Variants in LRFN2 observed in about 807,000 individuals in gnomAD.
The protein encoded by LRFN2 is leucine-rich repeat and fibronectin type-III domain-containing protein 2.
LRFN2 carries 18 observed loss-of-function variants against 37.3 expected under a neutral mutation model. The observed-to-expected ratio is 0.48, with a 90% CI of 0.33 to 0.72. The LOEUF (loss-of-function observed/expected upper bound fraction) is 0.72, where lower values mean the gene tolerates loss of function less well. LRFN2 is among the 30% of genes least tolerant of loss of function. LRFN2 has a pLI of 0.02. For synonymous variants in LRFN2, 556 were observed against 466.6 expected, an observed-to-expected ratio of 1.19 and a Z score of -2.47; for missense variants, 1,006 against 1,060.7, an observed-to-expected ratio of 0.95 and a Z score of 0.72.
chr6:40,451,675 G>A (rs1764113980), intron 1 of LRFN2, among the ~76,000 whole-genome samples: 1 of 152,078 alleles, frequency 6.6e-6, no homozygotes, highest in South Asian at 2.1e-4. Flanking sequence ...ACAATTACGA[G>A]AAGGAGCTGT....
rs531850441 is a variant in LRFN2 at position 40,511,728 on chromosome 6, G to A, written c.-19+75213C>T. The stretch of plus-strand genomic sequence containing the variant: ...AAGGGGATGACAGTGAGAACCAGGT[G>A]TGGGTGCCGATGGTGTGCCAGCTCC... On this transcript the variant is annotated intron_variant, in intron 1 of 2. Coordinates refer to ENST00000338305, the MANE Select transcript of LRFN2 (RefSeq NM_020737.3). Among the ~76,000 whole-genome samples the A allele has an allele frequency of 5.9e-5, 9 of 152,348 alleles. No individual in the cohort carries two copies. The East Asian group carries it at 7.7e-4, about 13-fold the overall frequency.
intron 1 of LRFN2, among the ~76,000 whole-genome samples, chr6:40,527,273 G>C (rs941116468): frequency 6.6e-6 from 1 of 152,156 alleles, no homozygotes; most frequent in Non-Finnish European, 1.5e-5. Context: ...TGCATTCCAG[G>C]ACAGCCAAAG....
intron 1 of LRFN2, among the ~76,000 whole-genome samples, chr6:40,552,582 A>C (rs1426661876): frequency 6.6e-6 from 1 of 152,224 alleles, no homozygotes; most frequent in Non-Finnish European, 1.5e-5. Context: ...AAGGAGATAG[A>C]TATATACCAA....
intron 1 of LRFN2, among the ~76,000 whole-genome samples, chr6:40,510,441 T>C (rs1362921950): frequency 1.3e-5 from 2 of 152,212 alleles, no homozygotes; most frequent in East Asian, 3.8e-4. Flanking sequence ...AACCTCAGCC[T>C]TCAGGAAGCT....
At chr6:40,521,535 G>A (rs997914662) in intron 1 of LRFN2, among the ~76,000 whole-genome samples, 4 of 152,246 alleles carry the variant, frequency 2.6e-5, no homozygotes, top group South Asian at 2.1e-4. Context: ...TGTTGGTGCC[G>A]ATTAATCCTG....
intron 1 of LRFN2, among the ~76,000 whole-genome samples, chr6:40,463,525 C>T (rs1319869319): frequency 6.6e-6 from 1 of 152,128 alleles, no homozygotes; most frequent in Non-Finnish European, 1.5e-5. Flanking sequence ...CCAATGGGTG[C>T]TAGTGTCCCA....
At chr6:40,485,617 C>T (rs1764938950) in intron 1 of LRFN2, among the ~76,000 whole-genome samples, 1 of 152,222 alleles carries the variant, frequency 6.6e-6, no homozygotes, top group African/African-American at 2.4e-5. Flanking sequence ...GAAGAATTCT[C>T]TGGCTCAGTG....
chr6:40,503,448 C>A (rs909303740), intron 1 of LRFN2, among the ~76,000 whole-genome samples: 1 of 152,158 alleles, frequency 6.6e-6, no homozygotes, highest in Non-Finnish European at 1.5e-5. Context: ...GGGCGGTCCT[C>A]TGGGACACAG....
intron 1 of LRFN2, among the ~76,000 whole-genome samples, chr6:40,543,075 C>CT (rs1298776905): frequency 2.0e-5 from 3 of 152,370 alleles, no homozygotes; most frequent in African/African-American, 7.2e-5. Flanking sequence ...TCCAGAGCCC[C>CT]TGCCAGCTCC....
intron 1 of LRFN2, among the ~76,000 whole-genome samples, chr6:40,435,742 G>C (rs1763655937): frequency 6.6e-6 from 1 of 152,084 alleles, no homozygotes; most frequent in Non-Finnish European, 1.5e-5. Context: ...GTTTCACTGT[G>C]TTAGCCAAGA....
At chr6:40,507,088 C>T (rs1765564136) in intron 1 of LRFN2, among the ~76,000 whole-genome samples, 2 of 152,190 alleles carry the variant, frequency 1.3e-5, no homozygotes, top group Admixed American at 1.3e-4. Context: ...CCGCTCCCCG[C>T]GTGGATGACG....
chr6:40,401,420 A>G (rs2436724), intron 2 of LRFN2, among the ~76,000 whole-genome samples: 109,589 of 152,086 alleles, frequency 0.72, 39,741 homozygotes, highest in South Asian at 0.83. Context: ...ACCCTTGGGC[A>G]GGATGACAAG....
At chr6:40,429,098 G>A (rs1271861235) in intron 2 of LRFN2, among the ~76,000 whole-genome samples, 1 of 152,196 alleles carries the variant, frequency 6.6e-6, no homozygotes, top group African/African-American at 2.4e-5. Flanking sequence ...AACCAGCCCT[G>A]AGAAGTCACC....
chr6:40,398,688 C>T (rs2436726), intron 2 of LRFN2, among the ~76,000 whole-genome samples: 54,906 of 151,644 alleles, frequency 0.36, 11,436 homozygotes, highest in East Asian at 0.53. Context: ...TGCTCCAGTG[C>T]GTTAAATTTA....
chr6:40,547,801 G>A (rs1766694448), intron 1 of LRFN2, among the ~76,000 whole-genome samples: 3 of 152,112 alleles, frequency 2.0e-5, no homozygotes, highest in South Asian at 4.1e-4. Flanking sequence ...TATTCTCTGG[G>A]GTCCAGGAAC....
chr6:40,566,831 A>G (rs1359418256), intron 1 of LRFN2, among the ~76,000 whole-genome samples: 1 of 152,070 alleles, frequency 6.6e-6, no homozygotes, highest in East Asian at 1.9e-4. Flanking sequence ...ACATGTATAC[A>G]TATGTAACAA....
At chr6:40,529,341 G>T (rs1410667875) in intron 1 of LRFN2, among the ~76,000 whole-genome samples, 1 of 152,162 alleles carries the variant, frequency 6.6e-6, no homozygotes, top group Non-Finnish European at 1.5e-5. Flanking sequence ...TTGGGGTTCA[G>T]GGTCAGTTTC....
At chr6:40,501,577 C>T (rs1464575774) in intron 1 of LRFN2, 1 of 151,968 alleles carries the variant, frequency 6.6e-6, no homozygotes, top group Non-Finnish European at 1.5e-5. Context: ...ATCCTCCTGC[C>T]TTGCCCTCCT....
At chr6:40,529,243 C>T (rs1766306948) in intron 1 of LRFN2, among the ~76,000 whole-genome samples, 1 of 152,188 alleles carries the variant, frequency 6.6e-6, no homozygotes, top group African/African-American at 2.4e-5. Flanking sequence ...CAAAGGACCC[C>T]AGGACCTTTG....
Sources: gnomAD v4.1 joint callset for allele counts (sites outside exome capture counted in the v4.1 genomes callset) on GRCh38, gnomAD v4.1.1 for gene constraint, MANE v1.5 for transcripts, NCBI Gene and HGNC (gene_info 2026-07-23, HGNC 2026-07-21) for gene names.